Variants in TNFAIP8 observed in about 807,000 individuals in gnomAD.
TNFAIP8 encodes tumor necrosis factor alpha-induced protein 8.
TNFAIP8 carries 7 observed loss-of-function variants against 13.3 expected under a neutral mutation model. That is an observed-to-expected ratio of 0.52 (90% confidence interval 0.30 to 0.99). The LOEUF (loss-of-function observed/expected upper bound fraction) is 0.99, where lower values mean the gene tolerates loss of function less well. TNFAIP8 is among the 50% of genes least tolerant of loss of function. The pLI is 0.07. For missense variants in TNFAIP8, 258 were observed against 236.9 expected (o/e 1.09, Z -0.58); for synonymous variants, 94 against 87.6 (o/e 1.07, Z -0.41).
chr5:119,335,247 A>G (rs748369718), intron 1 of TNFAIP8, among the ~76,000 whole-genome samples: 3 of 152,166 alleles, frequency 2.0e-5, no homozygotes, highest in Non-Finnish European at 4.4e-5. Context: ...ATATCCTGGC[A>G]ATAGGGAAAC....
At chr5:119,347,599 C>T (rs1265799851) in intron 1 of TNFAIP8, among the ~76,000 whole-genome samples, 1 of 152,198 alleles carries the variant, frequency 6.6e-6, no homozygotes, top group Non-Finnish European at 1.5e-5. Flanking sequence ...GTATATATTT[C>T]TGCAGCTCTT....
chr5:119,350,665 C>G (rs1562012326), intron 1 of TNFAIP8, among the ~76,000 whole-genome samples: 1 of 152,212 alleles, frequency 6.6e-6, no homozygotes. Context: ...GTGCTCATCT[C>G]CGATGTCAGC....
chr5:119,376,736 ACAG>A (rs1157920185), intron 1 of TNFAIP8, among the ~76,000 whole-genome samples: 1 of 152,172 alleles, frequency 6.6e-6, no homozygotes, highest in African/African-American at 2.4e-5. Context: ...GCAGTTTCCA[ACAG>A]CAGTTAGAGA....
chr5:119,273,123 C>T (rs1422805747), intron 1 of TNFAIP8, among the ~76,000 whole-genome samples: 1 of 152,222 alleles, frequency 6.6e-6, no homozygotes, highest in Non-Finnish European at 1.5e-5. Flanking sequence ...CCCCTGCTGG[C>T]TGTGTGGCTT....
chr5:119,367,429 G>A (rs1344733915), intron 1 of TNFAIP8, among the ~76,000 whole-genome samples: 1 of 152,152 alleles, frequency 6.6e-6, no homozygotes, highest in African/African-American at 2.4e-5. Context: ...ATTTGGTAGT[G>A]GTACTAGAAT....
At chr5:119,291,327 T>C (rs1300427416) in intron 1 of TNFAIP8, among the ~76,000 whole-genome samples, 1 of 152,232 alleles carries the variant, frequency 6.6e-6, no homozygotes, top group African/African-American at 2.4e-5. Flanking sequence ...AGCCAATTGC[T>C]ACATGTGTGT....
At chr5:119,392,752 A>G (rs2112869713) in intron 1 of TNFAIP8, 64 bp from the exon 2 acceptor site, 1 of 1,453,414 alleles carries the variant, frequency 6.9e-7, no homozygotes, top group East Asian at 2.5e-5. Flanking sequence ...ACCTGTTTTT[A>G]GTTCGCTTCA....
intron 1 of TNFAIP8, among the ~76,000 whole-genome samples, chr5:119,387,056 T>C (rs1378645984): frequency 6.6e-6 from 1 of 151,124 alleles, no homozygotes; most frequent in East Asian, 2.0e-4. Context: ...AATTTCTGAC[T>C]TTGGGATTTT....
intron 1 of TNFAIP8, among the ~76,000 whole-genome samples, chr5:119,302,485 T>C (rs1220281058): frequency 1.3e-5 from 2 of 152,244 alleles, no homozygotes; most frequent in African/African-American, 4.8e-5. Context: ...AATTCACCTG[T>C]CTTTGGGAAG....
intron 1 of TNFAIP8, among the ~76,000 whole-genome samples, chr5:119,363,178 C>G (rs142542430): frequency 1.3e-5 from 2 of 152,184 alleles, no homozygotes; most frequent in Non-Finnish European, 2.9e-5. Flanking sequence ...GCGAGAGCCC[C>G]GTGGAGGCTG....
At chr5:119,369,286 T>C (rs1751989645) in intron 1 of TNFAIP8, among the ~76,000 whole-genome samples, 1 of 152,264 alleles carries the variant, frequency 6.6e-6, no homozygotes, top group African/African-American at 2.4e-5. Flanking sequence ...ACTCATGACC[T>C]CAAGTGATCC....
Position 119,370,731 on chromosome 5 carries a change from T to C in TNFAIP8, c.31+14610T>C, listed in dbSNP as rs572804360. Among the ~76,000 whole-genome samples the C allele has an allele frequency of 5.3e-5, 8 of 152,326 alleles. No individual in the cohort carries two copies. The South Asian group carries it at 8.3e-4, about 16-fold the overall frequency. The stretch of plus-strand genomic sequence containing the variant: ...TGCTATCCCTAATGATTTAAAAATA[T>C]ATAAAAATATTTCACATTCTTTACC... On this transcript the variant is annotated intron_variant, in intron 1 of 1. Coordinates refer to ENST00000504771, the MANE Select transcript of TNFAIP8 (RefSeq NM_014350.4).
chr5:119,299,404 G>A (rs1435180322), intron 1 of TNFAIP8, among the ~76,000 whole-genome samples: 1 of 152,150 alleles, frequency 6.6e-6, no homozygotes, highest in East Asian at 1.9e-4. Context: ...TATCAGCAGC[G>A]GTGGCTGCAG....
intron 1 of TNFAIP8, among the ~76,000 whole-genome samples, chr5:119,366,724 C>G (rs925517586): frequency 7.2e-5 from 11 of 152,202 alleles, no homozygotes; most frequent in African/African-American, 2.4e-4. Context: ...CCCTCATTAA[C>G]AAGTCTGATG....
At chr5:119,304,435 C>T (rs553285978) in intron 1 of TNFAIP8, among the ~76,000 whole-genome samples, 36 of 152,350 alleles carry the variant, frequency 2.4e-4, no homozygotes, top group African/African-American at 8.4e-4. Context: ...TTTTGCCATT[C>T]TGAACTGTTT....
At chr5:119,329,286 A>G (rs146695809) in intron 1 of TNFAIP8, among the ~76,000 whole-genome samples, 24 of 152,360 alleles carry the variant, frequency 1.6e-4, no homozygotes, top group Non-Finnish European at 2.9e-4. Context: ...TACACAATTT[A>G]TACTTAAAAC....
In TNFAIP8 at chr5:119,394,045, A is replaced by T. The variant is rs537181762; in HGVS notation, c.*664A>T. 24 of 152,360 alleles carry T rather than the reference A, an allele frequency of 1.6e-4. No individual in the cohort carries two copies. Among genetic ancestry groups the T allele is most frequent in the African/African-American group, 5.5e-4 (23 of 41,584 alleles). 9.4% of individuals were successfully genotyped at this position (152,360 alleles called of 1,614,324 possible). On this transcript the variant is annotated 3_prime_UTR_variant, in exon 2 of 2. Coordinates refer to ENST00000504771, the MANE Select transcript of TNFAIP8 (RefSeq NM_014350.4). ...AGTTCTCCTTTTAAGTACCAATGAT[A>T]CTTAAATTTCTCAGAAATGTAATGG... is the stretch of plus-strand genomic sequence containing the variant.
At chr5:119,317,217 T>A (rs1749925965) in intron 1 of TNFAIP8, among the ~76,000 whole-genome samples, 1 of 152,200 alleles carries the variant, frequency 6.6e-6, no homozygotes, top group South Asian at 2.1e-4. Context: ...CTTCCTGTAG[T>A]CCATAAATTT....
At chr5:119,325,217 C>G (rs1035816393) in intron 1 of TNFAIP8, among the ~76,000 whole-genome samples, 1 of 152,216 alleles carries the variant, frequency 6.6e-6, no homozygotes, top group South Asian at 2.1e-4. Flanking sequence ...TTTCCTTGCA[C>G]TTGTCCACAC....
Sources: allele counts gnomAD v4.1 joint callset (sites outside exome capture counted in the v4.1 genomes callset), GRCh38; gene constraint gnomAD v4.1.1; transcripts MANE v1.5; gene names NCBI Gene and HGNC (gene_info 2026-07-23, HGNC 2026-07-21).